NOL4L: variants seen among roughly 807,000 people sequenced by gnomAD.
The protein encoded by NOL4L is nucleolar protein 4 like.
A neutral mutation model predicts 64.5 loss-of-function variants in NOL4L; 7 were observed. The observed-to-expected ratio is 0.11, with a 90% CI of 0.06 to 0.20. The LOEUF (loss-of-function observed/expected upper bound fraction) is 0.20, where lower values mean the gene tolerates loss of function less well. Ranked by LOEUF, NOL4L falls within the 10% of genes least tolerant of loss-of-function variation. The pLI, the probability that NOL4L is intolerant of heterozygous loss-of-function variation, is 1.00. For missense variants in NOL4L, 680 were observed against 967.1 expected (o/e 0.70, Z 3.94); for synonymous variants, 413 against 401.0 (o/e 1.03, Z -0.36).
chr20:32,492,624 C>T (rs1463150831), intron 4 of NOL4L, among the ~76,000 whole-genome samples: 1 of 152,216 alleles, frequency 6.6e-6, no homozygotes, highest in Non-Finnish European at 1.5e-5. Flanking sequence ...GCTTCCATGG[C>T]TAAGCAGCCT....
At chr20:32,494,252 GGA>G (rs1491394842) in intron 4 of NOL4L, among the ~76,000 whole-genome samples, 1 of 27,092 alleles carries the variant, frequency 3.7e-5, no homozygotes, top group African/African-American at 1.5e-4. Context: ...GATAATCTCG[GGA>G]AAAAAAAAAA....
chr20:32,486,692 G>A (rs1264145639), intron 4 of NOL4L: 1 of 467,376 alleles, frequency 2.1e-6, no homozygotes, highest in Non-Finnish European at 4.4e-6. Context: ...AGAAGAAAAT[G>A]TACCTGCAAT....
Position 32,447,727 on chromosome 20 carries a change from C to A in NOL4L, c.1912G>T (p.Val638Leu). The change falls in exon 11 of 11, where the codon GTG becomes TTG. Residue 638 changes from valine to leucine, a missense_variant. This residue lies in a region of NOL4L where 175 missense variants were observed against 227.0 expected (regional missense o/e 0.77). Transcript: ENST00000621426. ...TPSSTSTSRP[V>L]PTAQLSPTEI... ...GTGGGGCTGAGCTGAGCGGTGGGCA[C>A]GGGCCTGCTGGTGCTGGTGCTGGAG... 1 of 1,346,898 alleles carries A rather than the reference C, an allele frequency of 7.4e-7. No homozygotes were observed. The allele number at this position is 1,346,898 out of a possible 1,614,324, so 83.4% of individuals were successfully genotyped here. A position where few individuals can be genotyped will look rare whatever the true frequency, so the allele number is the denominator to read the frequency against.
At chr20:32,513,741 T>G (rs1271120880) in intron 3 of NOL4L, among the ~76,000 whole-genome samples, 2 of 152,066 alleles carry the variant, frequency 1.3e-5, no homozygotes, top group African/African-American at 4.8e-5. Context: ...GGCACGTGCC[T>G]GAAGTCCCAG....
chr20:32,535,693 C>T (rs1003492438), intron 1 of NOL4L: 11 of 985,520 alleles, frequency 1.1e-5, no homozygotes, highest in Non-Finnish European at 1.3e-5. Context: ...CTCCTCCAAG[C>T]AGCTCTGAGT....
chr20:32,529,632 G>A (rs1343039146), intron 1 of NOL4L, among the ~76,000 whole-genome samples: 1 of 152,214 alleles, frequency 6.6e-6, no homozygotes, highest in African/African-American at 2.4e-5. Flanking sequence ...GAGAGCAGAT[G>A]GGGGGCAAAG....
intron 4 of NOL4L, among the ~76,000 whole-genome samples, chr20:32,488,829 T>C (rs561105144): frequency 0.013 from 492 of 39,278 alleles, 42 homozygotes; most frequent in Middle Eastern, 0.064. Flanking sequence ...TTCTTTCTTT[T>C]TCTTTCTTTC....
intron 4 of NOL4L, among the ~76,000 whole-genome samples, chr20:32,490,525 C>T (rs530883429): frequency 2.6e-4 from 40 of 152,240 alleles, no homozygotes; most frequent in African/African-American, 8.2e-4. Flanking sequence ...TGGGCCATAG[C>T]GCTGACTATC....
At chr20:32,512,017 A>C (rs1006021359) in intron 3 of NOL4L, among the ~76,000 whole-genome samples, 2 of 152,088 alleles carry the variant, frequency 1.3e-5, no homozygotes, top group African/African-American at 4.8e-5. Context: ...TATCTCTAAA[A>C]AACAAACAAA....
Position 32,536,303 on chromosome 20 carries a change from T to C in NOL4L, c.322-8390A>G, listed in dbSNP as rs570257793. The C allele has an allele frequency of 3.0e-6, 3 of 985,100 alleles. No homozygotes were observed. The African/African-American group carries it at 5.2e-5, about 17-fold the overall frequency. The allele number at this position is 985,100 out of a possible 1,614,324, so 61.0% of individuals were successfully genotyped here. On this transcript the variant is annotated intron_variant, in intron 1 of 10. Transcript: ENST00000621426. Reference sequence around the variant, plus strand: ...GCCAGGCCCCGCGGGCGGGTCCCTCTCGGGCCGAGGAGGCGCCCTGGGCGC... The same window carrying C: ...GCCAGGCCCCGCGGGCGGGTCCCTCCCGGGCCGAGGAGGCGCCCTGGGCGC...
chr20:32,554,000 A>G (rs1490102445), intron 1 of NOL4L, among the ~76,000 whole-genome samples: 3 of 152,210 alleles, frequency 2.0e-5, no homozygotes, highest in African/African-American at 7.2e-5. Flanking sequence ...TGACCCTACA[A>G]TAAACCATTT....
intron 4 of NOL4L, among the ~76,000 whole-genome samples, chr20:32,489,907 T>C (rs895459120): frequency 6.6e-6 from 1 of 152,066 alleles, no homozygotes; most frequent in African/African-American, 2.4e-5. Context: ...GGTGGGCAGA[T>C]CACTTCAGGT....
intron 4 of NOL4L, among the ~76,000 whole-genome samples, chr20:32,496,856 A>G (rs1340749356): frequency 1.3e-5 from 2 of 151,936 alleles, no homozygotes; most frequent in African/African-American, 4.8e-5. Flanking sequence ...TGGCCTAGGA[A>G]ATTTCTTTAA....
intron 1 of NOL4L, chr20:32,536,938 A>C (rs1206280780): frequency 4.4e-6 from 2 of 452,096 alleles, no homozygotes; most frequent in African/African-American, 4.4e-5. Context: ...GCGCCCGCTC[A>C]CCTGGAGACC....
At position 32,456,398 on chromosome 20, in the gene NOL4L, G is replaced by A. The variant is rs758891615; in HGVS notation, c.842-3C>T. The A allele has an allele frequency of 2.7e-6, 4 of 1,459,986 alleles. No homozygotes were observed. Among genetic ancestry groups the A allele is most frequent in the Admixed American group, 5.2e-5 (2 of 38,480 alleles). The allele number at this position is 1,459,986 out of a possible 1,614,324, so 90.4% of individuals were successfully genotyped here. A position where few individuals can be genotyped will look rare whatever the true frequency, so the allele number is the denominator to read the frequency against. ...GCCACTCTCAGAGGAGGAGTCATCT[G>A]GAATGAGAGGCCTGGGTGTGAGGCC... On this transcript the variant is annotated splice_region_variant and splice_polypyrimidine_tract_variant and intron_variant, in intron 5 of 10. Transcript: ENST00000621426.
intron 1 of NOL4L, chr20:32,536,320 C>T: frequency 1.0e-6 from 1 of 985,240 alleles, no homozygotes; most frequent in Non-Finnish European, 1.2e-6. Flanking sequence ...GAGGAGGCGC[C>T]CTGGGCGCGC....
At chr20:32,489,059 CTTTT>C (rs1047548874) in intron 4 of NOL4L, among the ~76,000 whole-genome samples, 2 of 77,616 alleles carry the variant, frequency 2.6e-5, no homozygotes, top group African/African-American at 9.8e-5. Context: ...CTTTTGTTGT[CTTTT>C]TATTTAGTTT....
chr20:32,493,934 T>C (rs939052260), intron 4 of NOL4L, among the ~76,000 whole-genome samples: 2 of 152,174 alleles, frequency 1.3e-5, no homozygotes, highest in African/African-American at 4.8e-5. Context: ...ACTAGGGCTC[T>C]CTTTCTTACT....
intron 5 of NOL4L, among the ~76,000 whole-genome samples, chr20:32,462,903 T>TAAAAAATAAAAAAAAAAAAAAAAA (rs2014205230): frequency 1.3e-5 from 1 of 76,668 alleles, no homozygotes; most frequent in African/African-American, 4.8e-5. Context: ...GACTCTGTCT[T>TAAAAAATAAAAAAAAAAAAAAAAA]AAAAAAAAAA....
Sources: gnomAD v4.1 joint callset for allele counts (sites outside exome capture counted in the v4.1 genomes callset) on GRCh38, gnomAD v4.1.1 for gene constraint, gnomAD v4.1.1 regional missense constraint, MANE v1.5 for transcripts, NCBI Gene and HGNC (gene_info 2026-07-23, HGNC 2026-07-21) for gene names.